Variants in ZNF469 observed in about 807,000 individuals in gnomAD.
The protein encoded by ZNF469 is zinc finger protein 469.
Under a neutral mutation model 1.0 loss-of-function variants are expected in ZNF469, and 1 was observed. That is an observed-to-expected ratio of 1.00 (90% CI 0.35 to 4.73). The LOEUF (loss-of-function observed/expected upper bound fraction) is 4.73. Ranked by LOEUF, ZNF469 falls within the 30% of genes most tolerant of loss-of-function variation. The pLI is 0.16. For missense variants in ZNF469, 6,100 were observed against 5,356.3 expected (o/e 1.14, Z -4.33); for synonymous variants, 2,703 against 2,363.4 (o/e 1.14, Z -4.17).
chr16:88,369,269 G>T, the ZNF469 span, among the ~76,000 whole-genome samples: 14 of 152,146 alleles, frequency 9.2e-5, no homozygotes, highest in Non-Finnish European at 1.3e-4. Flanking sequence ...TAGGCAGGAC[G>T]CCCAGCACAT....
rs539229366 is a variant in ZNF469, at chr16:88,414,918, G to A, written c.-191-9889G>A. Reference sequence around the variant, plus strand: ...AGCACGGCCAGGCCTCCAGTTTCCAGCTGCCCAGAGACCAGCTGAGGCCAC... The same window carrying A: ...AGCACGGCCAGGCCTCCAGTTTCCAACTGCCCAGAGACCAGCTGAGGCCAC... On this transcript the variant is annotated intron_variant, in intron 1 of 2. Transcript: ENST00000565624. Among the ~76,000 whole-genome samples, 14 of 152,358 alleles carry A rather than the reference G, an allele frequency of 9.2e-5. No homozygotes were observed. The South Asian group carries it at 2.7e-3, about 29-fold the overall frequency.
chr16:88,356,074 G>A, the ZNF469 span, among the ~76,000 whole-genome samples: 2 of 152,172 alleles, frequency 1.3e-5, no homozygotes, highest in Non-Finnish European at 2.9e-5. Flanking sequence ...TCAAAGGTCA[G>A]CAAATCAGAC....
At position 88,439,247 on chromosome 16, in the gene ZNF469, A is replaced by G; in HGVS notation, c.11777A>G (p.Glu3926Gly). The change falls in exon 3 of 3, where the codon GAG becomes GGG. Residue 3926 changes from glutamate to glycine, a missense_variant. Transcript: ENST00000565624. ...PAEPHTHRTA[E>G]AQSDLLSQLF... ...GAGCCACACACCCACCGGACGGCCG[A>G]GGCCCAGAGTGACCTCCTCAGCCAG... is the stretch of plus-strand genomic sequence containing the variant. 6.4e-7 allele frequency: 1 copy of G among 1,550,494 alleles called. No individual in the cohort carries two copies. The highest frequency in any genetic ancestry group is 8.7e-7 in the Non-Finnish European group (1 of 1,146,986).
the ZNF469 span, among the ~76,000 whole-genome samples, chr16:88,374,051 A>C: frequency 6.6e-6 from 1 of 152,018 alleles, no homozygotes; most frequent in Non-Finnish European, 1.5e-5. Context: ...AGCCATTCCA[A>C]GCTGAGGAAT....
chr16:88,343,936 G>A, the ZNF469 span, among the ~76,000 whole-genome samples: 1 of 152,110 alleles, frequency 6.6e-6, no homozygotes, highest in South Asian at 2.1e-4. Flanking sequence ...CACGACCTCG[G>A]CCAGGAGGTC....
chr16:88,104,364 ACTAT>A, the ZNF469 span, among the ~76,000 whole-genome samples: 3 of 151,934 alleles, frequency 2.0e-5, no homozygotes, highest in Non-Finnish European at 4.4e-5. Context: ...ACCCACAACC[ACTAT>A]CAACTTGGAA....
chr16:88,396,894 T>TGGAGACCCTCATGAAGGGAGGCCGGGA (rs747050803), intron 1 of ZNF469, among the ~76,000 whole-genome samples: 22,041 of 65,512 alleles, frequency 0.34, 3,700 homozygotes, highest in Non-Finnish European at 0.36. Context: ...GGAGGCCGGG[T>TGGAGACCCTCATGAAGGGAGGCCGGGA]GGAGACCCTC....
chr16:88,281,572 T>C, the ZNF469 span, among the ~76,000 whole-genome samples: 1 of 147,580 alleles, frequency 6.8e-6, no homozygotes, highest in Non-Finnish European at 1.5e-5. Flanking sequence ...GCCACACCAA[T>C]GCTTGGTCAG....
the ZNF469 span, among the ~76,000 whole-genome samples, chr16:88,349,002 G>A: frequency 6.6e-6 from 1 of 152,188 alleles, no homozygotes; most frequent in African/African-American, 2.4e-5. Context: ...CTCGGCCCCT[G>A]CCTCCCACGC....
At chr16:88,299,961 C>T in the ZNF469 span, among the ~76,000 whole-genome samples, 3 of 152,190 alleles carry the variant, frequency 2.0e-5, no homozygotes, top group East Asian at 5.8e-4. Flanking sequence ...CACCACGGCC[C>T]CTCTGCCAGG....
chr16:88,293,314 T>TTGGATGGATGGGTAATTGGA, the ZNF469 span, among the ~76,000 whole-genome samples: 1 of 146,696 alleles, frequency 6.8e-6, no homozygotes, highest in East Asian at 2.0e-4. Context: ...GGATGGGTAA[T>TTGGATGGATGGGTAATTGGA]TGGATGGATG....
At chr16:88,332,826 C>T in the ZNF469 span, among the ~76,000 whole-genome samples, 1 of 152,234 alleles carries the variant, frequency 6.6e-6, no homozygotes, top group Non-Finnish European at 1.5e-5. Flanking sequence ...GCCTCTGCAG[C>T]CAGCCTCCTC....
At position 88,429,205 on chromosome 16, in the gene ZNF469, C is replaced by T. The variant is rs1905936287; in HGVS notation, c.1735C>T (p.Pro579Ser). 2 of 1,549,752 alleles carry T rather than the reference C, an allele frequency of 1.3e-6. No individual in the cohort carries two copies. The highest frequency in any genetic ancestry group is 1.7e-6 in the Non-Finnish European group (2 of 1,146,842). ...TTCACCCCACGGGACACCCAGCCTG[C>T]CCCCACCGAGGGTAGTGGGAGCCTC... The part of the protein sequence containing the change: ...QVSPHGTPSL[P>S]PPRVVGASPS... The change falls in exon 3 of 3, where the codon CCC (proline) becomes TCC (serine). Residue 579 changes from proline (P) to serine (S), a missense_variant. Coordinates refer to ENST00000565624, the MANE Select transcript of ZNF469 (RefSeq NM_001367624.2).
intron 1 of ZNF469, among the ~76,000 whole-genome samples, chr16:88,420,305 C>T (rs1567506006): frequency 6.6e-6 from 1 of 152,218 alleles, no homozygotes; most frequent in Admixed American, 6.5e-5. Flanking sequence ...CTACCCCACA[C>T]CAGGGATGGA....
the ZNF469 span, among the ~76,000 whole-genome samples, chr16:88,208,801 A>T: frequency 2.0e-4 from 4 of 20,176 alleles, no homozygotes; most frequent in African/African-American, 4.1e-4. Flanking sequence ...ACACACACAC[A>T]CACTCTCTCT....
the ZNF469 span, among the ~76,000 whole-genome samples, chr16:88,139,874 G>T: frequency 6.6e-6 from 1 of 152,212 alleles, no homozygotes; most frequent in Non-Finnish European, 1.5e-5. Flanking sequence ...AGAACCCCAG[G>T]CCAGAGGATC....
Position 88,428,505 on chromosome 16 carries a change from G to A in ZNF469, c.1035G>A (p.Leu345=). Reference sequence around the variant, plus strand: ...GCTACCAGGGCCAGCCAGGTGGCCTGAACCGCCACAGCGACCTCAGTGGTG... The same window carrying A: ...GCTACCAGGGCCAGCCAGGTGGCCTAAACCGCCACAGCGACCTCAGTGGTG... The part of the protein sequence containing the change: ...LPCYQGQPGG[L]NRHSDLSGAL... Residue 345 remains leucine, a synonymous_variant, in exon 3 of 3, where the codon CTG becomes CTA. Transcript: ENST00000565624. The A allele has an allele frequency of 6.5e-7, 1 of 1,549,798 alleles. No individual in the cohort carries two copies. The highest frequency in any genetic ancestry group is 1.4e-5 in the African/African-American group (1 of 73,136).
chr16:88,382,691 T>C (rs981578219), upstream of ZNF469, among the ~76,000 whole-genome samples: 1 of 152,202 alleles, frequency 6.6e-6, no homozygotes, highest in African/African-American at 2.4e-5. Context: ...GAGCAGCCAC[T>C]GGAAGCCACA....
the ZNF469 span, among the ~76,000 whole-genome samples, chr16:88,348,637 C>CCCT: frequency 6.6e-6 from 1 of 152,302 alleles, no homozygotes; most frequent in East Asian, 1.9e-4. Flanking sequence ...ACAGCACTGA[C>CCCT]CAGGGCCAGC....
Sources: allele counts gnomAD v4.1 joint callset (sites outside exome capture counted in the v4.1 genomes callset), GRCh38; gene constraint gnomAD v4.1.1; transcripts MANE v1.5; gene names NCBI Gene and HGNC (gene_info 2026-07-23, HGNC 2026-07-21).